Variants in NCALD observed in about 807,000 individuals in gnomAD.
The protein encoded by NCALD is neurocalcin-delta.
A neutral mutation model predicts 18.6 loss-of-function variants in NCALD; 10 were observed. The ratio of observed to expected loss-of-function variants is 0.54; its 90% confidence interval spans 0.33 to 0.91. NCALD has a LOEUF of 0.91. NCALD is among the 40% of genes least tolerant of loss of function. NCALD has a pLI of 0.03. For synonymous variants in NCALD, 88 were observed against 87.4 expected (o/e 1.01, Z -0.04); for missense variants, 184 against 247.6 (o/e 0.74, Z 1.72).
At chr8:102,048,017 G>A (rs1823309423) in intron 1 of NCALD, among the ~76,000 whole-genome samples, 1 of 152,060 alleles carries the variant, frequency 6.6e-6, no homozygotes, top group Admixed American at 6.5e-5. Context: ...GATCACTTGG[G>A]GAAAAAATGA....
At chr8:101,751,226 GA>G (rs1231493269) in intron 1 of NCALD, among the ~76,000 whole-genome samples, 1 of 152,172 alleles carries the variant, frequency 6.6e-6, no homozygotes, top group Admixed American at 6.5e-5. Context: ...CTACATGAAA[GA>G]AGCGAGACAT....
Position 101,707,234 on chromosome 8 carries a change from AT to A in NCALD, c.378+12017del, listed in dbSNP as rs376775209. On this transcript the variant is annotated intron_variant, in intron 2 of 3. Coordinates refer to ENST00000220931, the MANE Select transcript of NCALD (RefSeq NM_032041.3). ...ACAGTCTTTGGGGGAAAAAATGCAA[AT>A]GGTACTCAGAATGTGCTTCTAAAAA... Among the ~76,000 whole-genome samples the A allele has an allele frequency of 3.3e-5, 5 of 152,270 alleles. No homozygotes were observed. In the East Asian group the frequency reaches 9.7e-4, roughly 29 times the overall value.
intron 1 of NCALD, among the ~76,000 whole-genome samples, chr8:102,112,000 C>A (rs1825655739): frequency 6.6e-6 from 1 of 152,082 alleles, no homozygotes. Context: ...TAAACACACC[C>A]AAGGATGTTC....
At chr8:101,776,969 G>T (rs981753213) in intron 1 of NCALD, among the ~76,000 whole-genome samples, 2 of 152,122 alleles carry the variant, frequency 1.3e-5, no homozygotes, top group East Asian at 1.9e-4. Flanking sequence ...AGAGATTAGA[G>T]ATTTTCTTTG....
In NCALD at chr8:101,797,561, G is replaced by A. The variant is rs375274458; in HGVS notation, c.-19-77913C>T. Among the ~76,000 whole-genome samples the A allele has an allele frequency of 1.4e-4, 21 of 152,282 alleles. No individual in the cohort carries two copies. In the East Asian group the frequency reaches 3.5e-3, roughly 25 times the overall value. ...AGGCCAAGTGTGGTGGCTCATGCCTGTAATCTAGCACTTTGGGTGGCCAAA... is the reference window on the plus strand; with the variant it reads ...AGGCCAAGTGTGGTGGCTCATGCCTATAATCTAGCACTTTGGGTGGCCAAA... On this transcript the variant is annotated intron_variant, in intron 4 of 6. Coordinates refer to the NCALD transcript ENST00000311028.
intron 4 of NCALD, among the ~76,000 whole-genome samples, chr8:101,803,029 T>C (rs974481576): frequency 2.6e-5 from 4 of 152,122 alleles, no homozygotes; most frequent in African/African-American, 7.2e-5. Context: ...ATTTTCAATG[T>C]GGATGAAATC....
intron 3 of NCALD, chr8:101,692,242 G>C: frequency 1.0e-6 from 1 of 985,332 alleles, no homozygotes; most frequent in Non-Finnish European, 1.2e-6. Flanking sequence ...ATCAGGGTGG[G>C]AACCTGCTGG....
intron 3 of NCALD, among the ~76,000 whole-genome samples, chr8:101,907,091 T>C (rs1400695425): frequency 6.6e-6 from 1 of 152,222 alleles, no homozygotes; most frequent in Non-Finnish European, 1.5e-5. Flanking sequence ...CCATCATGGA[T>C]GTTTTGCATT....
At chr8:102,101,442 C>T (rs565761282) in intron 1 of NCALD, among the ~76,000 whole-genome samples, 14 of 152,320 alleles carry the variant, frequency 9.2e-5, no homozygotes, top group South Asian at 8.3e-4. Flanking sequence ...CCTCTATAAA[C>T]GAAGGCTGCA....
chr8:101,884,036 C>T (rs972920398), intron 4 of NCALD, among the ~76,000 whole-genome samples: 3 of 152,192 alleles, frequency 2.0e-5, no homozygotes, highest in African/African-American at 7.2e-5. Flanking sequence ...TGATCTGGCT[C>T]CTGCCACCCC....
chr8:101,862,048 G>A (rs1310222341), intron 4 of NCALD, among the ~76,000 whole-genome samples: 2 of 152,086 alleles, frequency 1.3e-5, no homozygotes, highest in Non-Finnish European at 2.9e-5. Flanking sequence ...TCATCACCAG[G>A]CTGCCCTTAA....
intron 2 of NCALD, among the ~76,000 whole-genome samples, chr8:101,977,468 G>C (rs911405358): frequency 1.3e-5 from 2 of 152,128 alleles, no homozygotes; most frequent in African/African-American, 4.8e-5. Context: ...AATTTTCTAA[G>C]TACTCAAATT....
At chr8:101,768,438 G>C (rs1277248208) in intron 1 of NCALD, among the ~76,000 whole-genome samples, 1 of 152,214 alleles carries the variant, frequency 6.6e-6, no homozygotes, top group Admixed American at 6.5e-5. Flanking sequence ...GCCTGGTGCG[G>C]TGACTCAGGC....
chr8:101,805,365 T>C (rs6984260), intron 4 of NCALD, among the ~76,000 whole-genome samples: 123,084 of 152,140 alleles, frequency 0.81, 49,971 homozygotes, highest in African/African-American at 0.87. Context: ...CAGCCTTTCT[T>C]CAGCTCTAAG....
chr8:101,711,510 C>G (rs764545517), intron 2 of NCALD, among the ~76,000 whole-genome samples: 1 of 151,908 alleles, frequency 6.6e-6, no homozygotes, highest in Non-Finnish European at 1.5e-5. Context: ...TGCAAGGAAG[C>G]TAAGAACCTT....
chr8:102,083,833 T>A (rs1017023659), intron 1 of NCALD, among the ~76,000 whole-genome samples: 3 of 152,246 alleles, frequency 2.0e-5, no homozygotes, highest in African/African-American at 7.2e-5. Context: ...TCATCACCTC[T>A]ATATAGTCAC....
chr8:101,816,469 C>T (rs1813500817), intron 4 of NCALD, among the ~76,000 whole-genome samples: 1 of 152,092 alleles, frequency 6.6e-6, no homozygotes, highest in Non-Finnish European at 1.5e-5. Context: ...TTGCTGTGCC[C>T]CCCGCCAACA....
At chr8:101,997,194 G>T (rs1381547830) in intron 2 of NCALD, among the ~76,000 whole-genome samples, 2 of 152,164 alleles carry the variant, frequency 1.3e-5, no homozygotes, top group African/African-American at 4.8e-5. Flanking sequence ...CCACTAGAAA[G>T]AATAGCTTTT....
At chr8:101,962,993 G>A (rs1832675678) in intron 2 of NCALD, among the ~76,000 whole-genome samples, 1 of 152,066 alleles carries the variant, frequency 6.6e-6, no homozygotes, top group Non-Finnish European at 1.5e-5. Flanking sequence ...GCTTTATGAA[G>A]GGGAAGAGCC....
Sources: allele counts gnomAD v4.1 joint callset (sites outside exome capture counted in the v4.1 genomes callset), GRCh38; gene constraint gnomAD v4.1.1; transcripts MANE v1.5; gene names NCBI Gene and HGNC (gene_info 2026-07-23, HGNC 2026-07-21).